Variants in MSH3 observed in about 807,000 individuals in gnomAD.
MSH3 encodes the protein mutS homolog 3, also known as DNA mismatch repair protein Msh3.
A neutral mutation model predicts 123.3 loss-of-function variants in MSH3; 106 were observed. The ratio of observed to expected loss-of-function variants is 0.86; its 90% confidence interval spans 0.73 to 1.01. The LOEUF (loss-of-function observed/expected upper bound fraction) is 1.01, where lower values mean the gene tolerates loss of function less well. MSH3 is among the 50% of genes least tolerant of loss of function. The probability of loss-of-function intolerance (pLI) is 0.00; values close to 1 mark genes in which losing one functional copy is unlikely to be tolerated. For synonymous variants in MSH3, 515 were observed against 481.4 expected, an observed-to-expected ratio of 1.07 and a Z score of -0.91; for missense variants, 1,459 against 1,347.6, an observed-to-expected ratio of 1.08 and a Z score of -1.29.
Position 80,873,299 on chromosome 5 carries a change from T to C in MSH3, c.3302+12T>C, listed in dbSNP as rs1289704698. 3 of 1,613,550 alleles carry C rather than the reference T, an allele frequency of 1.9e-6. No individual in the cohort carries two copies. The South Asian group carries it at 3.3e-5, about 18-fold the overall frequency. ...ATAAATACGAAAAGGTCAGAGTGATTATGCTGCATTTTTTCATTTGTAATG... is the reference window on the plus strand; with the variant it reads ...ATAAATACGAAAAGGTCAGAGTGATCATGCTGCATTTTTTCATTTGTAATG... On this transcript the variant is annotated intron_variant, in intron 23 of 23. Coordinates refer to ENST00000265081, the MANE Select transcript of MSH3 (RefSeq NM_002439.5).
chr5:80,672,443 T>A, intron 5 of MSH3, 83 bp downstream of exon 5: 2 of 988,242 alleles, frequency 2.0e-6, no homozygotes, highest in Non-Finnish European at 3.3e-6. Context: ...AGGTGGTAGG[T>A]AGGCTTCAAT....
intron 8 of MSH3, among the ~76,000 whole-genome samples, chr5:80,717,461 T>G (rs545997475): frequency 6.6e-6 from 1 of 152,150 alleles, no homozygotes; most frequent in African/African-American, 2.4e-5. Flanking sequence ...AGAGACAGGC[T>G]ATGTTGCCTA....
At chr5:80,790,632 CCTT>C (rs975612862) in intron 18 of MSH3, among the ~76,000 whole-genome samples, 1 of 152,150 alleles carries the variant, frequency 6.6e-6, no homozygotes, top group East Asian at 1.9e-4. Context: ...ATCACGTCAT[CCTT>C]CTGTTTTCTT....
intron 20 of MSH3, among the ~76,000 whole-genome samples, chr5:80,824,275 C>T (rs566488916): frequency 8.2e-4 from 125 of 152,160 alleles, no homozygotes; most frequent in African/African-American, 2.7e-3. Context: ...GGCGGCCGGG[C>T]AGAGGCGCCC....
At chr5:80,671,363 C>T (rs1414781902) in intron 4 of MSH3, among the ~76,000 whole-genome samples, 1 of 152,106 alleles carries the variant, frequency 6.6e-6, no homozygotes, top group African/African-American at 2.4e-5. Context: ...GAAGTAAAGA[C>T]TTGGCCAACT....
intron 20 of MSH3, among the ~76,000 whole-genome samples, chr5:80,814,312 C>T (rs1745063063): frequency 6.6e-6 from 1 of 151,950 alleles, no homozygotes. Flanking sequence ...GCTCTCGTTT[C>T]CTAGGCCAGA....
intron 8 of MSH3, among the ~76,000 whole-genome samples, chr5:80,715,963 G>A (rs1273407909): frequency 2.0e-5 from 3 of 152,050 alleles, no homozygotes; most frequent in Admixed American, 6.5e-5. Context: ...CACAGAAATG[G>A]GGAGCTATTG....
chr5:80,868,454 C>A (rs1283071956), intron 22 of MSH3, among the ~76,000 whole-genome samples: 1 of 151,200 alleles, frequency 6.6e-6, no homozygotes, highest in Non-Finnish European at 1.5e-5. Flanking sequence ...ACAATAAGAT[C>A]ATGTCCTTTG....
At chr5:80,814,308 G>A (rs1337257240) in intron 20 of MSH3, among the ~76,000 whole-genome samples, 6 of 151,686 alleles carry the variant, frequency 4.0e-5, no homozygotes, top group Non-Finnish European at 7.4e-5. Flanking sequence ...TTTTGCTCTC[G>A]TTTCCTAGGC....
intron 19 of MSH3, among the ~76,000 whole-genome samples, chr5:80,801,984 A>G (rs1282784166): frequency 6.6e-6 from 1 of 152,174 alleles, no homozygotes; most frequent in Non-Finnish European, 1.5e-5. Flanking sequence ...CCACAGTGAA[A>G]ATTTTTGTAT....
intron 8 of MSH3, among the ~76,000 whole-genome samples, chr5:80,699,907 TTTCTGTTGTGGTA>T (rs1162715960): frequency 6.6e-6 from 1 of 152,200 alleles, no homozygotes; most frequent in African/African-American, 2.4e-5. Context: ...CTTGAAACCT[TTTCTGTTGTGGTA>T]TTCGTAGGAA....
chr5:80,755,567 T>C (rs1743913565), intron 12 of MSH3, among the ~76,000 whole-genome samples: 1 of 152,152 alleles, frequency 6.6e-6, no homozygotes, highest in African/African-American at 2.4e-5. Flanking sequence ...TTATGTGAAA[T>C]AACTAGATAT....
intron 20 of MSH3, among the ~76,000 whole-genome samples, chr5:80,833,190 CAG>C (rs1491042356): frequency 6.6e-6 from 1 of 151,972 alleles, no homozygotes; most frequent in Non-Finnish European, 1.5e-5. Context: ...CTAAAAATAT[CAG>C]AGTGATTTTT....
chr5:80,719,517 C>T (rs1444459322), intron 8 of MSH3, among the ~76,000 whole-genome samples: 2 of 152,140 alleles, frequency 1.3e-5, no homozygotes, highest in East Asian at 1.9e-4. Flanking sequence ...CCCACCATGT[C>T]GACAATCCTG....
chr5:80,832,828 T>C (rs1367876118), intron 20 of MSH3, among the ~76,000 whole-genome samples: 1 of 152,120 alleles, frequency 6.6e-6, no homozygotes, highest in Non-Finnish European at 1.5e-5. Context: ...ACAATTTTAA[T>C]ATTTAAGCTC....
chr5:80,811,893 ATT>A (rs1212080569), intron 19 of MSH3, among the ~76,000 whole-genome samples: 1 of 152,088 alleles, frequency 6.6e-6, no homozygotes, highest in Admixed American at 6.5e-5. Flanking sequence ...TGTAGAATTC[ATT>A]TTATTTTTAT....
In MSH3 at chr5:80,868,982, G is replaced by A. The variant is rs80283704; in HGVS notation, c.3130+4040G>A. On this transcript the variant is annotated intron_variant, in intron 22 of 23. Coordinates refer to ENST00000265081, the MANE Select transcript of MSH3 (RefSeq NM_002439.5). Reference sequence around the variant, plus strand: ...TTCTGTATGAGGTAGAGGCCATTGCGTAGGTCATCAGTAAAATGCCCCACA... The same window carrying A: ...TTCTGTATGAGGTAGAGGCCATTGCATAGGTCATCAGTAAAATGCCCCACA... Among the ~76,000 whole-genome samples the A allele has an allele frequency of 7.1e-3, 1,077 of 152,150 alleles. 16 individuals carry two copies. Among genetic ancestry groups the A allele is most frequent in the African/African-American group, 0.025 (1,022 of 41,504 alleles).
At chr5:80,797,833 A>AGG (rs1262980013) in intron 19 of MSH3, among the ~76,000 whole-genome samples, 1 of 152,156 alleles carries the variant, frequency 6.6e-6, no homozygotes, top group Admixed American at 6.5e-5. Flanking sequence ...CTGTGGGTTA[A>AGG]GGGGTCAGTA....
chr5:80,733,453 A>G (rs886326581), intron 10 of MSH3, among the ~76,000 whole-genome samples: 2 of 152,160 alleles, frequency 1.3e-5, no homozygotes, highest in Non-Finnish European at 2.9e-5. Context: ...AACACAAGTG[A>G]GAAAAGCAAA....
Sources: allele counts gnomAD v4.1 joint callset (sites outside exome capture counted in the v4.1 genomes callset), GRCh38; gene constraint gnomAD v4.1.1; transcripts MANE v1.5; gene names NCBI Gene and HGNC (gene_info 2026-07-23, HGNC 2026-07-21).